The following FNIP1 variants were observed in gnomAD, a reference collection of about 807,000 sequenced individuals.
FNIP1 encodes the protein folliculin-interacting protein 1.
FNIP1 carries 40 observed loss-of-function variants against 124.5 expected under a neutral mutation model. The observed-to-expected ratio is 0.32, with a 90% CI of 0.25 to 0.42. The LOEUF is 0.42. Among genes scored for constraint, FNIP1 ranks in the 10% least tolerant of loss-of-function variants. FNIP1 has a pLI of 1.00. For synonymous variants in FNIP1, 472 were observed against 470.6 expected (o/e 1.00, Z -0.04); for missense variants, 1,176 against 1,403.7 (o/e 0.84, Z 2.59).
At chr5:131,767,400 G>A (rs1771466388) in intron 1 of FNIP1, among the ~76,000 whole-genome samples, 2 of 115,374 alleles carry the variant, frequency 1.7e-5, no homozygotes, top group Non-Finnish European at 3.3e-5. Context: ...CTGCACTCTA[G>A]CCTGGTGACA....
intron 1 of FNIP1, among the ~76,000 whole-genome samples, chr5:131,760,908 G>T (rs1771207284): frequency 6.6e-6 from 1 of 151,234 alleles, no homozygotes; most frequent in African/African-American, 2.4e-5. Flanking sequence ...GAGGGAGGGA[G>T]GGAGGGAGGG....
At chr5:131,660,533 A>T (rs993104575) in intron 15 of FNIP1, among the ~76,000 whole-genome samples, 1 of 151,834 alleles carries the variant, frequency 6.6e-6, no homozygotes, top group Non-Finnish European at 1.5e-5. Context: ...TGCCCCAACA[A>T]ATCAGCCGTA....
In FNIP1 at chr5:131,667,824, GT is replaced by G. The variant is rs1249540370; in HGVS notation, c.3108+2638del. ...GGTGGTCACAAACTACTGACCTCAA[GT>G]AATCCACCCACCTCGGCCTCCCAAA... On this transcript the variant is annotated intron_variant, in intron 15 of 17. Transcript: ENST00000510461. Among the ~76,000 whole-genome samples, 12 of 152,298 alleles carry G rather than the reference GT, an allele frequency of 7.9e-5. 2 individuals are homozygous for G. The highest frequency in any genetic ancestry group is 7.8e-4 in the Admixed American group (12 of 15,300).
chr5:131,718,070 T>TA (rs1359550414), intron 5 of FNIP1, among the ~76,000 whole-genome samples: 1 of 151,180 alleles, frequency 6.6e-6, no homozygotes, highest in Non-Finnish European at 1.5e-5. Flanking sequence ...CCTGCGCCTG[T>TA]AGTCCCACCT....
intron 1 of FNIP1, among the ~76,000 whole-genome samples, chr5:131,758,932 G>A (rs1362034191): frequency 6.6e-6 from 1 of 151,878 alleles, no homozygotes; most frequent in African/African-American, 2.4e-5. Context: ...CCCTCAAAAG[G>A]GCCACAGTAC....
intron 17 of FNIP1, among the ~76,000 whole-genome samples, chr5:131,645,326 A>G (rs527985164): frequency 4.0e-4 from 59 of 147,388 alleles, no homozygotes; most frequent in Non-Finnish European, 7.3e-4. Context: ...AAAAAAAAAC[A>G]AAGAATAATA....
At chr5:131,752,135 T>G (rs1414664398) in intron 1 of FNIP1, among the ~76,000 whole-genome samples, 3 of 152,038 alleles carry the variant, frequency 2.0e-5, no homozygotes, top group Non-Finnish European at 4.4e-5. Context: ...GCTCCGCCTC[T>G]CCGGTTCGCG....
At chr5:131,756,356 A>C (rs1771050643) in intron 1 of FNIP1, among the ~76,000 whole-genome samples, 1 of 152,176 alleles carries the variant, frequency 6.6e-6, no homozygotes, top group South Asian at 2.1e-4. Context: ...TTGAATCACC[A>C]AGATGCATGG....
At chr5:131,775,789 A>C (rs1771783086) in intron 1 of FNIP1, among the ~76,000 whole-genome samples, 1 of 151,996 alleles carries the variant, frequency 6.6e-6, no homozygotes, top group Admixed American at 6.6e-5. Context: ...CAGCCTCCCA[A>C]AGTGCTGGGA....
chr5:131,714,547 C>T (rs1769404177), intron 6 of FNIP1, among the ~76,000 whole-genome samples: 1 of 152,106 alleles, frequency 6.6e-6, no homozygotes, highest in East Asian at 1.9e-4. Context: ...GCTTTTGCTC[C>T]ATTCTTTCTT....
At chr5:131,764,393 G>A (rs933162281) in intron 1 of FNIP1, among the ~76,000 whole-genome samples, 1 of 145,476 alleles carries the variant, frequency 6.9e-6, no homozygotes, top group Non-Finnish European at 1.5e-5. Context: ...CTGCAACCTC[G>A]ACCTCCTGGG....
At chr5:131,663,500 ACT>A (rs1187269225) in intron 15 of FNIP1, among the ~76,000 whole-genome samples, 1 of 151,952 alleles carries the variant, frequency 6.6e-6, no homozygotes, top group Non-Finnish European at 1.5e-5. Context: ...AGGTCTCATG[ACT>A]CTAATAATCT....
intron 3 of FNIP1, among the ~76,000 whole-genome samples, chr5:131,721,269 T>C (rs1769650824): frequency 6.6e-6 from 1 of 152,062 alleles, no homozygotes; most frequent in South Asian, 2.1e-4. Context: ...ACTCCACTTA[T>C]ATGAGGTATT....
chr5:131,790,034 T>A (rs1489341728), intron 1 of FNIP1, among the ~76,000 whole-genome samples: 2 of 152,230 alleles, frequency 1.3e-5, no homozygotes, highest in East Asian at 3.8e-4. Context: ...AGACCAAATA[T>A]CCAAAACAGA....
At chr5:131,724,598 G>T (rs1215045849) in intron 3 of FNIP1, among the ~76,000 whole-genome samples, 1 of 152,102 alleles carries the variant, frequency 6.6e-6, no homozygotes, top group Non-Finnish European at 1.5e-5. Flanking sequence ...ATAGATTCTG[G>T]ATATTAGCCC....
chr5:131,774,253 C>T (rs1771731459), intron 1 of FNIP1, among the ~76,000 whole-genome samples: 1 of 152,200 alleles, frequency 6.6e-6, no homozygotes, highest in Admixed American at 6.5e-5. Context: ...GTCTTGAACT[C>T]TTGGCCTCAA....
chr5:131,673,004 A>G lies in FNIP1; in HGVS notation c.1520-80T>C, dbSNP rs555123300. ...AGCTATTTTTAATGATCAGAAACCTACTTCTTTTACTGTATGAGTAATAGT... is the reference window on the plus strand; with the variant it reads ...AGCTATTTTTAATGATCAGAAACCTGCTTCTTTTACTGTATGAGTAATAGT... On this transcript the variant is annotated intron_variant, in intron 13 of 17. Transcript: ENST00000510461. 71 of 1,017,620 alleles carry G rather than the reference A, an allele frequency of 7.0e-5. No homozygotes were observed. The South Asian group carries it at 1.4e-3, about 20-fold the overall frequency. 63.0% of individuals were successfully genotyped at this position (1,017,620 alleles called of 1,614,324 possible). A position where few individuals can be genotyped will look rare whatever the true frequency, so the allele number is the denominator to read the frequency against.
intron 11 of FNIP1, among the ~76,000 whole-genome samples, chr5:131,679,480 C>G (rs991024611): frequency 6.6e-6 from 1 of 152,160 alleles, no homozygotes; most frequent in Non-Finnish European, 1.5e-5. Context: ...ATGATAATTT[C>G]TAAAGCCCAT....
rs150885541 is a variant in FNIP1 at position 131,709,366 on chromosome 5, C to T, written c.707-94G>A. 2.3e-4 allele frequency: 237 copies of T among 1,025,176 alleles called. 2 individuals are homozygous for T. The East Asian group carries it at 4.8e-3, about 21-fold the overall frequency. The allele number at this position is 1,025,176 out of a possible 1,614,324, so 63.5% of individuals were successfully genotyped here. A position where few individuals can be genotyped will look rare whatever the true frequency, so the allele number is the denominator to read the frequency against. ...AAATAGCAAACGAAATCATGCTCAT[C>T]TCATTGCATTCCCTTATTTTTTTCA... is the stretch of plus-strand genomic sequence containing the variant. On this transcript the variant is annotated intron_variant, in intron 7 of 17. Transcript: ENST00000510461.
Sources: allele counts gnomAD v4.1 joint callset (sites outside exome capture counted in the v4.1 genomes callset), GRCh38; gene constraint gnomAD v4.1.1; transcripts MANE v1.5; gene names NCBI Gene and HGNC (gene_info 2026-07-23, HGNC 2026-07-21).